The following SH3GL2 variants were observed in gnomAD, a reference collection of about 807,000 sequenced individuals.
The protein encoded by SH3GL2 is endophilin-A1.
SH3GL2 carries 24 observed loss-of-function variants against 46.0 expected under a neutral mutation model. That is an observed-to-expected ratio of 0.52 (90% CI 0.38 to 0.73). The LOEUF is 0.73. SH3GL2 is among the 30% of genes least tolerant of loss of function. SH3GL2 has a pLI of 0.00. For synonymous variants in SH3GL2, 196 were observed against 147.1 expected, an observed-to-expected ratio of 1.33 and a Z score of -2.40; for missense variants, 413 against 424.2, an observed-to-expected ratio of 0.97 and a Z score of 0.23.
intron 1 of SH3GL2, among the ~76,000 whole-genome samples, chr9:17,642,845 C>T (rs889163030): frequency 2.0e-5 from 3 of 151,932 alleles, no homozygotes; most frequent in Non-Finnish European, 4.4e-5. Context: ...TTTTTTGGTT[C>T]CATATGACAT....
chr9:17,764,371 G>C (rs1823260991), intron 3 of SH3GL2, among the ~76,000 whole-genome samples: 1 of 152,226 alleles, frequency 6.6e-6, no homozygotes, highest in Admixed American at 6.5e-5. Flanking sequence ...CAGGTAACTG[G>C]TAAAGTTGAG....
chr9:17,580,268 G>C (rs1439797320), intron 1 of SH3GL2, among the ~76,000 whole-genome samples: 2 of 152,032 alleles, frequency 1.3e-5, no homozygotes, highest in African/African-American at 4.8e-5. Context: ...TTCATGATTT[G>C]GTGTTAAATA....
chr9:17,722,088 T>C (rs958759278), intron 1 of SH3GL2, among the ~76,000 whole-genome samples: 2 of 152,048 alleles, frequency 1.3e-5, no homozygotes, highest in African/African-American at 4.8e-5. Flanking sequence ...AACTCTACTT[T>C]GGAGGAATCT....
chr9:17,760,129 T>G (rs1823125997), intron 2 of SH3GL2, among the ~76,000 whole-genome samples: 1 of 152,190 alleles, frequency 6.6e-6, no homozygotes, highest in African/African-American at 2.4e-5. Context: ...CACTCAATCT[T>G]AAAGATCTTT....
At chr9:17,699,503 G>T (rs1432325141) in intron 1 of SH3GL2, among the ~76,000 whole-genome samples, 2 of 152,120 alleles carry the variant, frequency 1.3e-5, no homozygotes, top group African/African-American at 4.8e-5. Flanking sequence ...AGTCTAGAAA[G>T]GAATTTCGCT....
intron 1 of SH3GL2, among the ~76,000 whole-genome samples, chr9:17,690,916 C>T (rs1281167987): frequency 6.6e-6 from 1 of 152,142 alleles, no homozygotes; most frequent in Non-Finnish European, 1.5e-5. Context: ...GGGTTACAGA[C>T]ATAGTGATTA....
chr9:17,779,780 C>A (rs1011981736), intron 3 of SH3GL2, among the ~76,000 whole-genome samples: 1 of 152,168 alleles, frequency 6.6e-6, no homozygotes, highest in African/African-American at 2.4e-5. Flanking sequence ...TTACCCCCCA[C>A]CACCATCCTT....
intron 1 of SH3GL2, among the ~76,000 whole-genome samples, chr9:17,612,761 C>T (rs1415495015): frequency 1.3e-5 from 2 of 152,154 alleles, no homozygotes; most frequent in African/African-American, 4.8e-5. Flanking sequence ...GCACCCATAA[C>T]CGCAATCAAT....
At chr9:17,585,720 G>A (rs1195392698) in intron 1 of SH3GL2, among the ~76,000 whole-genome samples, 1 of 152,192 alleles carries the variant, frequency 6.6e-6, no homozygotes, top group African/African-American at 2.4e-5. Context: ...TTGCATTGGT[G>A]CATTGGTAGG....
At chr9:17,615,537 C>A (rs947416806) in intron 1 of SH3GL2, among the ~76,000 whole-genome samples, 1 of 151,776 alleles carries the variant, frequency 6.6e-6, no homozygotes, top group African/African-American at 2.4e-5. Flanking sequence ...CGCCTGTAAT[C>A]CCAGCTACTC....
chr9:17,588,899 C>T (rs996314588), intron 1 of SH3GL2, among the ~76,000 whole-genome samples: 20 of 152,134 alleles, frequency 1.3e-4, no homozygotes, highest in African/African-American at 4.6e-4. Context: ...TGTAACATGG[C>T]CCCTCTGTGG....
chr9:17,646,220 C>T (rs1819813135), intron 1 of SH3GL2, among the ~76,000 whole-genome samples: 1 of 151,858 alleles, frequency 6.6e-6, no homozygotes, highest in Non-Finnish European at 1.5e-5. Flanking sequence ...TTTTCCGCTC[C>T]ATCAGGTCAT....
In SH3GL2 at chr9:17,651,085, G is replaced by GT. The variant is rs527509706; in HGVS notation, c.45+71804dup. On this transcript the variant is annotated intron_variant, in intron 1 of 8. Coordinates refer to ENST00000380607, the MANE Select transcript of SH3GL2 (RefSeq NM_003026.5). ...TTGTTTCTTGGCTTTGCTTTTTATT[G>GT]TTTTTTCATTAGTTTTTACTGTTCT... Among the ~76,000 whole-genome samples, 126 of 151,992 alleles carry GT rather than the reference G, an allele frequency of 8.3e-4. 1 individual carries two copies. Among genetic ancestry groups the GT allele is most frequent in the African/African-American group, 2.9e-3 (120 of 41,470 alleles).
At chr9:17,792,121 A>T (rs1824147597) in intron 7 of SH3GL2, among the ~76,000 whole-genome samples, 1 of 152,184 alleles carries the variant, frequency 6.6e-6, no homozygotes, top group Non-Finnish European at 1.5e-5. Context: ...CTCACAGCTG[A>T]TCACATGGCT....
At chr9:17,690,291 G>T (rs1172191933) in intron 1 of SH3GL2, among the ~76,000 whole-genome samples, 1 of 152,026 alleles carries the variant, frequency 6.6e-6, no homozygotes, top group Admixed American at 6.6e-5. Flanking sequence ...GCATTCCCCC[G>T]GGCGAGGCCT....
intron 3 of SH3GL2, among the ~76,000 whole-genome samples, chr9:17,779,574 G>T (rs537959111): frequency 1.0e-3 from 159 of 152,234 alleles, no homozygotes; most frequent in African/African-American, 3.7e-3. Context: ...AAGGTAAATT[G>T]TTTGTATAAA....
At chr9:17,685,548 C>G (rs968747330) in intron 1 of SH3GL2, among the ~76,000 whole-genome samples, 2 of 151,972 alleles carry the variant, frequency 1.3e-5, no homozygotes, top group East Asian at 3.9e-4. Context: ...GTGGGAAGAC[C>G]TAGGTTTTCT....
At chr9:17,640,207 C>A (rs1381308019) in intron 1 of SH3GL2, among the ~76,000 whole-genome samples, 1 of 151,914 alleles carries the variant, frequency 6.6e-6, no homozygotes, top group Non-Finnish European at 1.5e-5. Flanking sequence ...TAGTCTCTGC[C>A]AGTTTATCTT....
intron 1 of SH3GL2, among the ~76,000 whole-genome samples, chr9:17,597,914 C>T (rs1455613577): frequency 6.6e-6 from 1 of 152,182 alleles, no homozygotes; most frequent in Non-Finnish European, 1.5e-5. Context: ...CGCCCATTAA[C>T]CGCCAGGCTC....
Sources: gnomAD v4.1 joint callset for allele counts (sites outside exome capture counted in the v4.1 genomes callset) on GRCh38, gnomAD v4.1.1 for gene constraint, MANE v1.5 for transcripts, NCBI Gene and HGNC (gene_info 2026-07-23, HGNC 2026-07-21) for gene names.